Variants in KLHL4 observed in about 807,000 individuals in gnomAD.
KLHL4 encodes the protein kelch-like protein 4.
KLHL4 carries 17 observed loss-of-function variants against 45.8 expected under a neutral mutation model. The observed-to-expected ratio is 0.37, with a 90% confidence interval of 0.25 to 0.56. The LOEUF is 0.56. Ranked by LOEUF, KLHL4 falls within the 20% of genes least tolerant of loss-of-function variation. The probability of loss-of-function intolerance (pLI) is 0.79; values close to 1 mark genes in which losing one functional copy is unlikely to be tolerated. For synonymous variants in KLHL4, 224 were observed against 189.9 expected (o/e 1.18, Z -1.47); for missense variants, 544 against 544.9 (o/e 1.00, Z 0.02).
intron 5 of KLHL4, among the ~76,000 whole-genome samples, chrX:87,625,084 C>T (rs1484018738): frequency 8.9e-6 from 1 of 112,702 alleles, no homozygotes; most frequent in Non-Finnish European, 1.9e-5. Context: ...TAACTGCTTT[C>T]AGCAATACTT....
chrX:87,651,556 G>A (rs768339235), intron 9 of KLHL4, among the ~76,000 whole-genome samples: 15 of 112,305 alleles, frequency 1.3e-4, no homozygotes, highest in South Asian at 3.7e-4. Flanking sequence ...CCAAAGCAAA[G>A]GGGCTACAGG....
intron 9 of KLHL4, among the ~76,000 whole-genome samples, chrX:87,640,687 C>G (rs1237938371): frequency 1.8e-5 from 2 of 111,395 alleles, no homozygotes; most frequent in Non-Finnish European, 3.8e-5. Context: ...AAGGGGCTTA[C>G]CTTAAGGTAA....
chrX:87,520,901 ATAT>A (rs1384779347), intron 1 of KLHL4, among the ~76,000 whole-genome samples: 2 of 112,260 alleles, frequency 1.8e-5, no homozygotes, highest in South Asian at 3.7e-4. Flanking sequence ...GCTCATAAAC[ATAT>A]TATTGCATAA....
At chrX:87,559,415 G>T (rs942412801) in intron 1 of KLHL4, among the ~76,000 whole-genome samples, 1 of 111,324 alleles carries the variant, frequency 9.0e-6, no homozygotes, top group Non-Finnish European at 1.9e-5. Flanking sequence ...TTTGAGCTTT[G>T]TATCTTCCCA....
At chrX:87,662,798 C>T (rs1268644347) in intron 9 of KLHL4, among the ~76,000 whole-genome samples, 2 of 109,135 alleles carry the variant, frequency 1.8e-5, no homozygotes, top group East Asian at 5.8e-4. Context: ...GTCGTGGTGG[C>T]GGGCGCCTGT....
chrX:87,518,263 G>A lies in KLHL4; in HGVS notation c.370G>A (p.Ala124Thr). 1 of 1,211,174 alleles carries A rather than the reference G, an allele frequency of 8.3e-7. No homozygotes were observed. Among genetic ancestry groups the A allele is most frequent in the East Asian group, 3.0e-5 (1 of 33,843 alleles). The change falls in exon 1 of 11, where the codon GCA becomes ACA. Residue 124 changes from alanine (A) to threonine (T), a missense_variant. Coordinates refer to ENST00000373119, the MANE Select transcript of KLHL4 (RefSeq NM_019117.5). ...ATTCAAAGAAGCTTGTGAGAAACGCGCACAAGATTTGGAGATGATGGCTGA... is the reference window on the plus strand; with the variant it reads ...ATTCAAAGAAGCTTGTGAGAAACGCACACAAGATTTGGAGATGATGGCTGA... ...NLFKEACEKR[A>T]QDLEMMADDN...
At chrX:87,647,143 C>T (rs1602462951) in intron 9 of KLHL4, among the ~76,000 whole-genome samples, 1 of 111,821 alleles carries the variant, frequency 8.9e-6, no homozygotes, top group East Asian at 2.8e-4. Context: ...AAATGTTCAA[C>T]GTCACTAATG....
rs766399653 is a variant in KLHL4 at position 87,633,742 on chromosome X, T to G, written c.1550-7T>G. ...GGTGAACCCACATATTATTTTAATT[T>G]TTTTAGGTGTAGCCACTCTTGAAGG... On this transcript the variant is annotated splice_polypyrimidine_tract_variant and splice_region_variant and intron_variant, in intron 7 of 10. Coordinates refer to ENST00000373119, the MANE Select transcript of KLHL4 (RefSeq NM_019117.5). 25 of 1,170,031 alleles carry G rather than the reference T, an allele frequency of 2.1e-5. No homozygotes were observed. In the East Asian group the frequency reaches 7.5e-4, roughly 35 times the overall value.
intron 1 of KLHL4, among the ~76,000 whole-genome samples, chrX:87,550,546 T>C (rs1463777186): frequency 1.8e-5 from 2 of 110,663 alleles, no homozygotes; most frequent in Admixed American, 9.7e-5. Flanking sequence ...AGGAAAGGAC[T>C]TAACCAAAAA....
chrX:87,568,752 A>G (rs1932275218), intron 1 of KLHL4, among the ~76,000 whole-genome samples: 1 of 111,539 alleles, frequency 9.0e-6, no homozygotes, highest in Non-Finnish European at 1.9e-5. Context: ...TGGGGTAAGA[A>G]TAGTCTCTTC....
At chrX:87,556,249 A>G (rs966490697) in intron 1 of KLHL4, among the ~76,000 whole-genome samples, 24 of 110,816 alleles carry the variant, frequency 2.2e-4, no homozygotes, top group Admixed American at 1.7e-3. Context: ...ACTATTCACA[A>G]TAGCAAAGAC....
rs757381010 is a variant in KLHL4, at chrX:87,559,643, C to A, written c.422+41328C>A. Among the ~76,000 whole-genome samples the A allele has an allele frequency of 5.4e-5, 6 of 111,499 alleles. No individual in the cohort carries two copies. In the South Asian group the frequency reaches 2.3e-3, roughly 42 times the overall value. The stretch of plus-strand genomic sequence containing the variant: ...CCAAACACACTTAAAAGTAAAAATT[C>A]CCCGAAACAACTACTCTATTGATGA... On this transcript the variant is annotated intron_variant, in intron 1 of 10. Coordinates refer to ENST00000373119, the MANE Select transcript of KLHL4 (RefSeq NM_019117.5).
At chrX:87,652,128 T>G (rs1450888176) in intron 9 of KLHL4, among the ~76,000 whole-genome samples, 3 of 112,434 alleles carry the variant, frequency 2.7e-5, no homozygotes, top group Non-Finnish European at 5.6e-5. Flanking sequence ...ATTTGCTCCT[T>G]TTAGCCACAG....
intron 1 of KLHL4, among the ~76,000 whole-genome samples, chrX:87,524,687 C>G (rs1284314425): frequency 2.7e-5 from 3 of 111,447 alleles, no homozygotes; most frequent in African/African-American, 9.8e-5. Flanking sequence ...GAAAAGGGAC[C>G]TTTAGTGGAA....
chrX:87,661,932 G>A (rs758207347), intron 9 of KLHL4, among the ~76,000 whole-genome samples: 1 of 111,550 alleles, frequency 9.0e-6, no homozygotes, highest in African/African-American at 3.2e-5. Flanking sequence ...CATGTGTAAA[G>A]TGGGAATAAT....
chrX:87,616,176 T>C (rs1922549910), intron 3 of KLHL4, among the ~76,000 whole-genome samples: 1 of 110,861 alleles, frequency 9.0e-6, no homozygotes, highest in African/African-American at 3.3e-5. Flanking sequence ...CAGACCATTT[T>C]TTAGGAGGGA....
At chrX:87,665,187 C>T (rs1217019156) in intron 10 of KLHL4, among the ~76,000 whole-genome samples, 1 of 110,969 alleles carries the variant, frequency 9.0e-6, no homozygotes, top group Non-Finnish European at 1.9e-5. Context: ...AGACCATTCT[C>T]GTGACTTCAT....
rs1602475799 is a variant in KLHL4, at chrX:87,669,633, C to T, written c.*3099C>T. 1 of 297,776 alleles carries T rather than the reference C, an allele frequency of 3.4e-6. No individual in the cohort carries two copies. Among genetic ancestry groups the T allele is most frequent in the East Asian group, 5.8e-5 (1 of 17,240 alleles). 24.5% of individuals were successfully genotyped at this position (297,776 alleles called of 1,213,427 possible). On this transcript the variant is annotated 3_prime_UTR_variant, in exon 11 of 11. Transcript: ENST00000373119. The stretch of plus-strand genomic sequence containing the variant: ...AAAAAAGGTCATGAAACACAAATGT[C>T]CTCAACTGTCATCATTCTATGTTTA...
chrX:87,645,248 A>G (rs916356136), intron 9 of KLHL4, among the ~76,000 whole-genome samples: 4 of 112,180 alleles, frequency 3.6e-5, no homozygotes, highest in Non-Finnish European at 7.5e-5. Context: ...AAGGAAATGA[A>G]TAAACAATTC....
Sources: gnomAD v4.1 joint callset for allele counts (sites outside exome capture counted in the v4.1 genomes callset) on GRCh38, gnomAD v4.1.1 for gene constraint, MANE v1.5 for transcripts, NCBI Gene and HGNC (gene_info 2026-07-23, HGNC 2026-07-21) for gene names.